Variants in UGT8 observed in about 807,000 individuals in gnomAD.
UGT8 encodes the protein UDP glycosyltransferase 8, also known as 2-hydroxyacylsphingosine 1-beta-galactosyltransferase.
In UGT8, 12 loss-of-function variants were observed where a neutral mutation model predicts 40.5. The observed-to-expected ratio is 0.30, with a 90% CI of 0.19 to 0.48. UGT8 has a LOEUF of 0.48. Among genes scored for constraint, UGT8 ranks in the 20% least tolerant of loss-of-function variants. UGT8 has a pLI of 0.99. For synonymous variants in UGT8, 224 were observed against 240.4 expected (o/e 0.93, Z 0.63); for missense variants, 513 against 648.7 (o/e 0.79, Z 2.27).
rs911264771 is a variant in UGT8, at chr4:114,676,474, G to A, written c.*186G>A. 5.6e-5 allele frequency: 30 copies of A among 537,040 alleles called. No individual in the cohort carries two copies. The highest frequency in any genetic ancestry group is 8.3e-5 in the Non-Finnish European group (26 of 314,570). The allele number at this position is 537,040 out of a possible 1,614,324, so 33.3% of individuals were successfully genotyped here. ...AAGCACAAACCTAAAATGCAGAAAT[G>A]TATTTTATTCAAATACTGATGTAGA... On this transcript the variant is annotated 3_prime_UTR_variant, in exon 6 of 6. Coordinates refer to ENST00000310836, the MANE Select transcript of UGT8 (RefSeq NM_001128174.3).
At chr4:114,599,957 TTGTGCAGCACTTCC>T (rs1388695939) in intron 1 of UGT8, among the ~76,000 whole-genome samples, 4 of 152,136 alleles carry the variant, frequency 2.6e-5, no homozygotes, top group African/African-American at 9.7e-5. Flanking sequence ...AAACCTGCCA[TTGTGCAGCACTTCC>T]TTAGGAAAGG....
intron 2 of UGT8, among the ~76,000 whole-genome samples, chr4:114,635,456 C>CT (rs1003411080): frequency 6.6e-6 from 1 of 151,900 alleles, no homozygotes; most frequent in African/African-American, 2.4e-5. Context: ...TATTGAAAGA[C>CT]TTTTTTTCTT....
intron 2 of UGT8, among the ~76,000 whole-genome samples, chr4:114,660,218 C>G (rs2126129135): frequency 6.6e-6 from 1 of 152,036 alleles, no homozygotes; most frequent in Middle Eastern, 3.4e-3. Context: ...CAAACAAAAA[C>G]AGTTATAAGA....
intron 1 of UGT8, among the ~76,000 whole-genome samples, chr4:114,607,796 T>G (rs1730822400): frequency 6.6e-6 from 1 of 152,136 alleles, no homozygotes; most frequent in South Asian, 2.1e-4. Context: ...GAAGACCTTC[T>G]TCCCTTGCCT....
chr4:114,628,810 CTG>C (rs1388163579), intron 2 of UGT8, among the ~76,000 whole-genome samples: 2 of 147,774 alleles, frequency 1.4e-5, no homozygotes, highest in Non-Finnish European at 3.0e-5. Flanking sequence ...GAGATATTCA[CTG>C]TTTGTCATTT....
At chr4:114,650,334 G>A (rs879544773) in intron 2 of UGT8, among the ~76,000 whole-genome samples, 17 of 152,110 alleles carry the variant, frequency 1.1e-4, no homozygotes, top group Admixed American at 3.9e-4. Context: ...CATTTATGCC[G>A]GAGGTTGCAA....
Position 114,676,354 on chromosome 4 carries a change from C to A in UGT8, c.*66C>A. 7.6e-7 allele frequency: 1 copy of A among 1,315,020 alleles called. No homozygotes were observed. The highest frequency in any genetic ancestry group is 1.5e-5 in the South Asian group (1 of 67,582). 81.5% of individuals were successfully genotyped at this position (1,315,020 alleles called of 1,614,324 possible). ...TGAATTTTTATTGCTATTATTTAGT[C>A]TAACAGCTACTAAAAGTAAAACATC... is the stretch of plus-strand genomic sequence containing the variant. On this transcript the variant is annotated 3_prime_UTR_variant, in exon 6 of 6. Transcript: ENST00000310836.
Position 114,667,136 on chromosome 4 carries a change from G to A in UGT8, c.1043-949G>A, listed in dbSNP as rs145328260. ...GTCAGAAAAGCCACTTGTGGGTAAG[G>A]GCTAGAGACACTGACTAACCAATTC... On this transcript the variant is annotated intron_variant, in intron 4 of 5. Transcript: ENST00000310836. 6.4e-4 allele frequency among the ~76,000 whole-genome samples: 97 copies of A among 152,204 alleles called. 1 individual carries two copies. The highest frequency in any genetic ancestry group is 2.2e-3 in the Admixed American group (33 of 15,284).
At chr4:114,601,689 G>T (rs553639724) in intron 1 of UGT8, among the ~76,000 whole-genome samples, 2 of 151,954 alleles carry the variant, frequency 1.3e-5, no homozygotes, top group South Asian at 4.2e-4. Flanking sequence ...TTTCTTGTTG[G>T]GTTGTCTTTA....
intron 4 of UGT8, among the ~76,000 whole-genome samples, chr4:114,666,993 A>G (rs548639953): frequency 6.6e-6 from 1 of 152,240 alleles, no homozygotes; most frequent in Admixed American, 6.5e-5. Context: ...TTTACACAGC[A>G]GCTCTGCTTT....
In UGT8 at chr4:114,677,690, C is replaced by T. The variant is rs1004855582; in HGVS notation, c.*1402C>T. The T allele has an allele frequency of 6.6e-6, 1 of 152,236 alleles. No homozygotes were observed. 9.4% of individuals were successfully genotyped at this position (152,236 alleles called of 1,614,324 possible). ...TCCATGTCATTCTGTTTACTTAGCA[C>T]TTGCACTACCCTTGTTGGTTGAGTG... On this transcript the variant is annotated 3_prime_UTR_variant, in exon 6 of 6. Transcript: ENST00000310836.
intron 2 of UGT8, chr4:114,656,859 G>A (rs1410345009): frequency 4.0e-6 from 2 of 500,202 alleles, no homozygotes; most frequent in African/African-American, 3.9e-5. Context: ...ACTTACTGTA[G>A]GTACGGCCTC....
At chr4:114,641,008 A>G (rs1733190749) in intron 2 of UGT8, among the ~76,000 whole-genome samples, 1 of 152,178 alleles carries the variant, frequency 6.6e-6, no homozygotes, top group Admixed American at 6.5e-5. Flanking sequence ...AGTCATTGTT[A>G]TCGGTCATAG....
intron 2 of UGT8, among the ~76,000 whole-genome samples, chr4:114,640,716 C>T (rs1458721566): frequency 3.3e-5 from 5 of 152,068 alleles, no homozygotes; most frequent in African/African-American, 9.7e-5. Flanking sequence ...TCACATCTTA[C>T]ATGAATGGTG....
chr4:114,650,270 C>G lies in UGT8; in HGVS notation c.823-13725C>G, dbSNP rs115369878. On this transcript the variant is annotated intron_variant, in intron 2 of 5. Transcript: ENST00000310836. ...TATCTGCATGTTATCTTCCTGGAAC[C>G]TTTTGCAAATAGCACTTATTAAAGA... Among the ~76,000 whole-genome samples the G allele has an allele frequency of 7.2e-3, 1,098 of 152,294 alleles. 15 individuals are homozygous for G. Among genetic ancestry groups the G allele is most frequent in the African/African-American group, 0.024 (1,017 of 41,548 alleles).
intron 1 of UGT8, among the ~76,000 whole-genome samples, chr4:114,604,547 G>A (rs1360699148): frequency 6.7e-6 from 1 of 150,306 alleles, no homozygotes; most frequent in Non-Finnish European, 1.5e-5. Flanking sequence ...TGGATGAAGT[G>A]ATGCTTTATA....
intron 2 of UGT8, among the ~76,000 whole-genome samples, chr4:114,637,452 A>G (rs191651190): frequency 3.3e-4 from 50 of 152,342 alleles, no homozygotes; most frequent in African/African-American, 1.2e-3. Context: ...GAAATTCAGT[A>G]AGTACACACT....
In UGT8 at chr4:114,668,239, A is replaced by G; in HGVS notation, c.1197A>G (p.Leu399=). ...AGGCAAAAGGCATGGGGATATTGCT[A>G]GAATGGAAGACAGTTACTGAAAAAG... ...RVQAKGMGIL[L]EWKTVTEKEL... Residue 399 remains leucine, a synonymous_variant, in exon 5 of 6, where the codon CTA becomes CTG. Transcript: ENST00000310836. The G allele has an allele frequency of 1.9e-6, 3 of 1,613,886 alleles. No individual in the cohort carries two copies. The highest frequency in any genetic ancestry group is 2.5e-6 in the Non-Finnish European group (3 of 1,179,826).
At chr4:114,631,368 T>C (rs1732560944) in intron 2 of UGT8, among the ~76,000 whole-genome samples, 1 of 152,068 alleles carries the variant, frequency 6.6e-6, no homozygotes, top group African/African-American at 2.4e-5. Flanking sequence ...ATGCCTATAG[T>C]GCCAGCTACT....
Sources: allele counts gnomAD v4.1 joint callset (sites outside exome capture counted in the v4.1 genomes callset), GRCh38; gene constraint gnomAD v4.1.1; transcripts MANE v1.5; gene names NCBI Gene and HGNC (gene_info 2026-07-23, HGNC 2026-07-21).